PPP6R2: variants seen among roughly 807,000 people sequenced by gnomAD.
PPP6R2 encodes the protein serine/threonine-protein phosphatase 6 regulatory subunit 2.
PPP6R2 carries 62 observed loss-of-function variants against 100.2 expected under a neutral mutation model. The ratio of observed to expected loss-of-function variants is 0.62; its 90% CI spans 0.50 to 0.76. PPP6R2 has a LOEUF of 0.76. PPP6R2 is among the 30% of genes least tolerant of loss of function. The probability of loss-of-function intolerance (pLI) is 0.00; values close to 1 mark genes in which losing one functional copy is unlikely to be tolerated. For synonymous variants in PPP6R2, 525 were observed against 514.7 expected, an observed-to-expected ratio of 1.02 and a Z score of -0.27; for missense variants, 1,142 against 1,276.3, an observed-to-expected ratio of 0.89 and a Z score of 1.60.
At chr22:50,398,141 TG>T (rs2148985859) in intron 3 of PPP6R2, among the ~76,000 whole-genome samples, 1 of 149,148 alleles carries the variant, frequency 6.7e-6, no homozygotes, top group East Asian at 2.0e-4. Context: ...AAGACCAGCC[TG>T]GGCAATATAG....
chr22:50,396,366 G>A (rs551485633), intron 3 of PPP6R2, among the ~76,000 whole-genome samples: 2 of 151,482 alleles, frequency 1.3e-5, no homozygotes, highest in Non-Finnish European at 2.9e-5. Flanking sequence ...GTGGTGGCAT[G>A]TGCCTATAAT....
Position 50,444,618 on chromosome 22 carries a change from G to GT in PPP6R2, c.*381dup, listed in dbSNP as rs34079114. The GT allele has an allele frequency of 5.9e-3, 1,166 of 199,152 alleles. No individual in the cohort carries two copies. The highest frequency in any genetic ancestry group is 0.018 in the South Asian group (210 of 11,402). The allele number at this position is 199,152 out of a possible 1,614,324, so 12.3% of individuals were successfully genotyped here. A position where few individuals can be genotyped will look rare whatever the true frequency, so the allele number is the denominator to read the frequency against. ...CGTGGACATGGAGGCTGTTTTTACA[G>GT]TTTTTTTTTTGTTGTTGTTTTGTTT... is the stretch of plus-strand genomic sequence containing the variant. On this transcript the variant is annotated 3_prime_UTR_variant, in exon 24 of 24. Coordinates refer to ENST00000612753, the MANE Select transcript of PPP6R2 (RefSeq NM_001242898.2).
At position 50,435,023 on chromosome 22, in the gene PPP6R2, G is replaced by A. The variant is rs149314348; in HGVS notation, c.1458G>A (p.Ala486=). The A allele has an allele frequency of 4.1e-5, 65 of 1,603,320 alleles. No homozygotes were observed. The highest frequency in any genetic ancestry group is 1.7e-4 in the Middle Eastern group (1 of 5,818). Residue 486 remains alanine (A), a synonymous_variant, in exon 13 of 24, where the codon GCG becomes GCA. Transcript: ENST00000612753. ...NMGHLTRIAN[A]VVQNLERGPV... Reference sequence around the variant, plus strand: ...GCCACCTCACACGGATCGCCAACGCGGTGGTGCAGAACCTGGAGCGGGGCC... The same window carrying A: ...GCCACCTCACACGGATCGCCAACGCAGTGGTGCAGAACCTGGAGCGGGGCC...
At chr22:50,442,393 C>T (rs1352845570) in intron 22 of PPP6R2, among the ~76,000 whole-genome samples, 2 of 152,256 alleles carry the variant, frequency 1.3e-5, no homozygotes, top group African/African-American at 4.8e-5. Flanking sequence ...GTCTTCAGGG[C>T]ATCTGCAGCA....
Position 50,394,154 on chromosome 22 carries a change from A to T in PPP6R2, c.227+19A>T, listed in dbSNP as rs749800449. ...GCTTCAAGTATGTACCAAAGCTGTG[A>T]CGGGCCAGTACGCCAGGCAGTGCTG... On this transcript the variant is annotated intron_variant, in intron 3 of 23. Transcript: ENST00000612753. The T allele has an allele frequency of 2.5e-6, 4 of 1,609,654 alleles. No homozygotes were observed. The East Asian group carries it at 8.9e-5, about 36-fold the overall frequency.
At chr22:50,427,054 T>G (rs958070413) in intron 10 of PPP6R2, among the ~76,000 whole-genome samples, 1 of 148,264 alleles carries the variant, frequency 6.7e-6, no homozygotes, top group Middle Eastern at 3.2e-3. Context: ...CTGGGTGTGG[T>G]GGCATGTGCC....
chr22:50,401,876 C>T (rs1351728633), intron 3 of PPP6R2, among the ~76,000 whole-genome samples: 4 of 152,038 alleles, frequency 2.6e-5, no homozygotes, highest in African/African-American at 7.2e-5. Context: ...CCTAGTGATC[C>T]GCCCGCCTTG....
intron 18 of PPP6R2, 90 bp downstream of exon 18, chr22:50,438,388 C>T: frequency 1.9e-6 from 3 of 1,543,238 alleles, no homozygotes; most frequent in Non-Finnish European, 8.7e-7. Flanking sequence ...CGTTAGCTGG[C>T]TTGCAGAGCA....
Position 50,434,987 on chromosome 22 carries a change from T to C in PPP6R2, c.1422T>C (p.Arg474=), listed in dbSNP as rs369183851. The C allele has an allele frequency of 1.1e-5, 17 of 1,605,560 alleles. No homozygotes were observed. The highest frequency in any genetic ancestry group is 1.4e-5 in the Non-Finnish European group (16 of 1,177,258). Reference sequence around the variant, plus strand: ...TCAGGGCAGCGGGTGGCATGAGACGTGGGAACATGGGCCACCTCACACGGA... The same window carrying C: ...TCAGGGCAGCGGGTGGCATGAGACGCGGGAACATGGGCCACCTCACACGGA... ...DHTQAAGGMR[R]GNMGHLTRIA... The change falls in exon 13 of 24, where the codon CGT becomes CGC. Residue 474 remains arginine (R), a synonymous_variant. Coordinates refer to ENST00000612753, the MANE Select transcript of PPP6R2 (RefSeq NM_001242898.2).
intron 1 of PPP6R2, among the ~76,000 whole-genome samples, chr22:50,358,936 C>T (rs1186731689): frequency 1.5e-5 from 2 of 131,714 alleles, no homozygotes; most frequent in Non-Finnish European, 3.2e-5. Context: ...ACCGCGATGT[C>T]TTGATTATTG....
chr22:50,422,511 C>A, intron 9 of PPP6R2, 131 bp downstream of exon 9: 2 of 1,214,150 alleles, frequency 1.6e-6, no homozygotes, highest in South Asian at 1.6e-5. Flanking sequence ...GACGGCCATT[C>A]CCACACCCCC....
At chr22:50,376,737 T>C (rs1009045195) in intron 2 of PPP6R2, among the ~76,000 whole-genome samples, 2 of 152,046 alleles carry the variant, frequency 1.3e-5, no homozygotes, top group African/African-American at 4.8e-5. Context: ...GTGCTTCTTA[T>C]TTTTAAAGAA....
chr22:50,346,607 A>G (rs1054353410), intron 1 of PPP6R2, among the ~76,000 whole-genome samples: 1 of 113,952 alleles, frequency 8.8e-6, no homozygotes, highest in Non-Finnish European at 1.8e-5. Flanking sequence ...ATTGCACCTC[A>G]CCCATCAGTC....
At chr22:50,355,847 A>G (rs1184744199) in intron 1 of PPP6R2, among the ~76,000 whole-genome samples, 2 of 151,462 alleles carry the variant, frequency 1.3e-5, no homozygotes, top group Non-Finnish European at 2.9e-5. Flanking sequence ...AATGGAAAAA[A>G]AAAAACCAAA....
At chr22:50,430,998 C>T (rs2063039694) in intron 10 of PPP6R2, among the ~76,000 whole-genome samples, 175 bp from the exon 11 acceptor site, 1 of 152,094 alleles carries the variant, frequency 6.6e-6, no homozygotes, top group South Asian at 2.1e-4. Context: ...TGAAGAAGCT[C>T]CGTAATAGAG....
intron 8 of PPP6R2, among the ~76,000 whole-genome samples, chr22:50,421,420 G>A (rs372847163): frequency 1.3e-5 from 2 of 152,144 alleles, no homozygotes; most frequent in Admixed American, 6.5e-5. Flanking sequence ...ATATCTCAGC[G>A]TGGCCTCAGA....
chr22:50,346,865 T>A (rs1285593161), intron 1 of PPP6R2, among the ~76,000 whole-genome samples: 2 of 133,330 alleles, frequency 1.5e-5, no homozygotes, highest in African/African-American at 5.7e-5. Context: ...ATGTCCCCAC[T>A]TCCCATCAGT....
intron 4 of PPP6R2, chr22:50,407,536 G>A (rs1358908137): frequency 6.6e-6 from 1 of 152,574 alleles, no homozygotes; most frequent in African/African-American, 2.4e-5. Context: ...TCATCTGTCT[G>A]GGTGGCGTGT....
At chr22:50,399,768 T>C (rs969794599) in intron 3 of PPP6R2, among the ~76,000 whole-genome samples, 1 of 152,268 alleles carries the variant, frequency 6.6e-6, no homozygotes, top group Non-Finnish European at 1.5e-5. Flanking sequence ...GGAGCAGCCC[T>C]TGGCTGAAAA....
Sources: allele counts gnomAD v4.1 joint callset (sites outside exome capture counted in the v4.1 genomes callset), GRCh38; gene constraint gnomAD v4.1.1; transcripts MANE v1.5; gene names NCBI Gene and HGNC (gene_info 2026-07-23, HGNC 2026-07-21).